The following CDH9 variants were observed in gnomAD, a reference collection of about 807,000 sequenced individuals.
CDH9 encodes the protein cadherin-9.
Under a neutral mutation model 70.9 loss-of-function variants are expected in CDH9, and 28 were observed. That is an observed-to-expected ratio of 0.40 (90% CI 0.29 to 0.54). The LOEUF is 0.54. Among genes scored for constraint, CDH9 ranks in the 20% least tolerant of loss-of-function variants. CDH9 has a pLI of 0.59. For synonymous variants in CDH9, 409 were observed against 343.1 expected, an observed-to-expected ratio of 1.19 and a Z score of -2.12; for missense variants, 874 against 984.4, an observed-to-expected ratio of 0.89 and a Z score of 1.50.
intron 2 of CDH9, among the ~76,000 whole-genome samples, chr5:26,933,538 A>G (rs1393356933): frequency 1.3e-5 from 2 of 151,986 alleles, no homozygotes; most frequent in Admixed American, 1.3e-4. Flanking sequence ...GCACTTTGGG[A>G]GGCCGAGGCG....
intron 1 of CDH9, among the ~76,000 whole-genome samples, chr5:26,993,027 C>T (rs551126298): frequency 4.8e-5 from 7 of 146,048 alleles, no homozygotes; most frequent in South Asian, 2.1e-4. Context: ...ACCCGGGAGG[C>T]GGAAGTTGCA....
rs185848566 is a variant in CDH9, at chr5:26,924,413, C to T, written c.229-8489G>A. On this transcript the variant is annotated intron_variant, in intron 2 of 11. Transcript: ENST00000231021. ...ACTGCAGTTGTGCTAAAAAAGTGTT[C>T]CAACAAAGAAAAGCCCAAGATCAAT... Among the ~76,000 whole-genome samples, 459 of 151,182 alleles carry T rather than the reference C, an allele frequency of 3.0e-3. 2 individuals are homozygous for T. The highest frequency in any genetic ancestry group is 0.011 in the African/African-American group (444 of 41,250).
chr5:27,032,277 A>G (rs1315218588), intron 1 of CDH9, among the ~76,000 whole-genome samples: 1 of 151,582 alleles, frequency 6.6e-6, no homozygotes, highest in Non-Finnish European at 1.5e-5. Flanking sequence ...TATTTATTAC[A>G]AGTGTAATAA....
intron 1 of CDH9, among the ~76,000 whole-genome samples, chr5:26,991,383 C>T (rs1194130053): frequency 6.6e-6 from 1 of 152,204 alleles, no homozygotes; most frequent in East Asian, 1.9e-4. Context: ...GCCTAACGTG[C>T]TGCAAGTTTA....
chr5:26,924,162 T>TA (rs1359574220), intron 2 of CDH9, among the ~76,000 whole-genome samples: 1 of 151,512 alleles, frequency 6.6e-6, no homozygotes, highest in Non-Finnish European at 1.5e-5. Context: ...CCAGCCTAAA[T>TA]AAAAAAGAAG....
Position 26,906,848 on chromosome 5 carries a change from ACC to A in CDH9, c.524-12_524-11del. The A allele has an allele frequency of 6.3e-7, 1 of 1,588,548 alleles. No individual in the cohort carries two copies. The highest frequency in any genetic ancestry group is 1.1e-5 in the South Asian group (1 of 87,138). ...TGTATAACAGATGTACCTACATGAA[ACC>A]CCCATCCCCAAACAGAGACATTTAC... is the stretch of plus-strand genomic sequence containing the variant. On this transcript the variant is annotated splice_polypyrimidine_tract_variant and intron_variant, in intron 3 of 11. Transcript: ENST00000231021.
chr5:27,031,663 A>G (rs536606262), intron 1 of CDH9, among the ~76,000 whole-genome samples: 1 of 151,924 alleles, frequency 6.6e-6, no homozygotes, highest in Non-Finnish European at 1.5e-5. Context: ...CCCAAAGCCA[A>G]TGCTTTATCT....
chr5:26,945,597 T>G (rs572389592), intron 2 of CDH9, among the ~76,000 whole-genome samples: 118 of 152,282 alleles, frequency 7.7e-4, no homozygotes, highest in African/African-American at 2.8e-3. Flanking sequence ...GCTCCTCAAA[T>G]AGCTTAAGAA....
chr5:26,951,793 G>A (rs1741849937), intron 2 of CDH9, among the ~76,000 whole-genome samples: 1 of 152,046 alleles, frequency 6.6e-6, no homozygotes, highest in Non-Finnish European at 1.5e-5. Context: ...AGCGTAGAAG[G>A]AAAGGACAGT....
intron 2 of CDH9, among the ~76,000 whole-genome samples, chr5:26,955,572 ATCTC>A (rs10541203): frequency 0.092 from 13,151 of 142,836 alleles, 1,643 homozygotes; most frequent in African/African-American, 0.29. Flanking sequence ...TTGTGGCAGT[ATCTC>A]TCTCTCTCTC....
chr5:26,959,462 T>G (rs1249367675), intron 2 of CDH9, among the ~76,000 whole-genome samples: 1 of 152,034 alleles, frequency 6.6e-6, no homozygotes, highest in Non-Finnish European at 1.5e-5. Flanking sequence ...CCTCAAAAAG[T>G]TAAACAGAAT....
At chr5:26,932,074 G>C (rs996786545) in intron 2 of CDH9, among the ~76,000 whole-genome samples, 4 of 151,974 alleles carry the variant, frequency 2.6e-5, no homozygotes, top group Admixed American at 6.6e-5. Flanking sequence ...AATTCTTCAT[G>C]ATAACATCAG....
At chr5:27,000,043 T>C (rs1742737648) in intron 1 of CDH9, among the ~76,000 whole-genome samples, 1 of 152,134 alleles carries the variant, frequency 6.6e-6, no homozygotes. Flanking sequence ...ATGGATTCTG[T>C]TAAAATTGAA....
At chr5:27,033,673 C>G (rs923524331) in intron 1 of CDH9, among the ~76,000 whole-genome samples, 5 of 151,140 alleles carry the variant, frequency 3.3e-5, no homozygotes, top group African/African-American at 4.8e-5. Flanking sequence ...TTTATGTGTT[C>G]TTTATATTGT....
Position 26,902,654 on chromosome 5 carries a change from A to C in CDH9, c.1075T>G (p.Leu359Val), listed in dbSNP as rs778213959. 1 of 1,589,354 alleles carries C rather than the reference A, an allele frequency of 6.3e-7. No individual in the cohort carries two copies. Among genetic ancestry groups the C allele is most frequent in the Admixed American group, 1.7e-5 (1 of 59,804 alleles). Residue 359 changes from leucine to valine, a missense_variant, in exon 7 of 12, where the codon TTA (leucine) becomes GTA (valine). Coordinates refer to ENST00000231021, the MANE Select transcript of CDH9 (RefSeq NM_016279.4). ...ASNTHPDPRF[L>V]HLGPFKDTAV... The stretch of plus-strand genomic sequence containing the variant: ...GTATCTTTGAAAGGTCCCAGGTGTA[A>C]GAATCGTGGATCAGGGTGAGTGTTA...
At chr5:26,916,285 C>T (rs1741148041) in intron 2 of CDH9, among the ~76,000 whole-genome samples, 2 of 152,060 alleles carry the variant, frequency 1.3e-5, no homozygotes, top group East Asian at 1.9e-4. Context: ...ATGTTGATTA[C>T]ATTTAAAATG....
intron 2 of CDH9, among the ~76,000 whole-genome samples, chr5:26,941,799 C>T (rs998969028): frequency 2.6e-5 from 4 of 152,126 alleles, no homozygotes; most frequent in Admixed American, 1.3e-4. Context: ...TTATAACGGT[C>T]AAGGAAACTG....
At chr5:26,901,151 C>T (rs1489259838) in intron 7 of CDH9, among the ~76,000 whole-genome samples, 1 of 151,840 alleles carries the variant, frequency 6.6e-6, no homozygotes, top group African/African-American at 2.4e-5. Flanking sequence ...TTTTATGTAT[C>T]ATGGTAAAAA....
At chr5:27,023,000 C>T (rs968298938) in intron 1 of CDH9, among the ~76,000 whole-genome samples, 13 of 151,702 alleles carry the variant, frequency 8.6e-5, no homozygotes, top group Admixed American at 3.3e-4. Flanking sequence ...AAGTTTAATA[C>T]GACTATTTTC....
Sources: gnomAD v4.1 joint callset for allele counts (sites outside exome capture counted in the v4.1 genomes callset) on GRCh38, gnomAD v4.1.1 for gene constraint, MANE v1.5 for transcripts, NCBI Gene and HGNC (gene_info 2026-07-23, HGNC 2026-07-21) for gene names.